PDE1C: variants seen among roughly 807,000 people sequenced by gnomAD.
PDE1C encodes the protein dual specificity calcium/calmodulin-dependent 3',5'-cyclic nucleotide phosphodiesterase 1C.
In PDE1C, 62 loss-of-function variants were observed where a neutral mutation model predicts 93.1. The observed-to-expected ratio is 0.67, with a 90% CI of 0.54 to 0.82. The LOEUF (loss-of-function observed/expected upper bound fraction) is 0.82, where lower values mean the gene tolerates loss of function less well. Ranked by LOEUF, PDE1C falls within the 40% of genes least tolerant of loss-of-function variation. The pLI is 0.00. For missense variants in PDE1C, 742 were observed against 884.6 expected, an observed-to-expected ratio of 0.84 and a Z score of 2.04; for synonymous variants, 325 against 310.1, an observed-to-expected ratio of 1.05 and a Z score of -0.50.
intron 3 of PDE1C, among the ~76,000 whole-genome samples, chr7:32,086,684 A>C (rs1287117217): frequency 1.3e-5 from 2 of 152,174 alleles, no homozygotes; most frequent in Non-Finnish European, 2.9e-5. Context: ...AGAACAGAGC[A>C]CTAAGAAATA....
intron 1 of PDE1C, among the ~76,000 whole-genome samples, chr7:32,389,977 T>C: frequency 6.6e-6 from 1 of 152,142 alleles, no homozygotes; most frequent in Middle Eastern, 3.2e-3. Context: ...AAGGAATTGG[T>C]CTATATTGAA....
chr7:32,203,768 C>A (rs1337676780), intron 2 of PDE1C, among the ~76,000 whole-genome samples: 1 of 152,178 alleles, frequency 6.6e-6, no homozygotes, highest in Non-Finnish European at 1.5e-5. Flanking sequence ...TTTAATAACA[C>A]TTCCATCTTA....
intron 3 of PDE1C, among the ~76,000 whole-genome samples, chr7:32,159,915 T>A (rs561275212): frequency 2.6e-4 from 40 of 152,202 alleles, no homozygotes; most frequent in South Asian, 1.0e-3. Flanking sequence ...TCCCACAAGC[T>A]CCTGAAGCCA....
At chr7:32,323,299 G>A (rs1017975609) in intron 1 of PDE1C, among the ~76,000 whole-genome samples, 7 of 152,154 alleles carry the variant, frequency 4.6e-5, no homozygotes, top group East Asian at 3.9e-4. Context: ...ATACTCCCAC[G>A]ATGGCAGATT....
intron 3 of PDE1C, among the ~76,000 whole-genome samples, chr7:32,113,881 T>C (rs765973916): frequency 7.2e-5 from 11 of 152,058 alleles, no homozygotes; most frequent in Non-Finnish European, 1.5e-4. Flanking sequence ...CGATTCACAA[T>C]TGCTACAAAG....
At chr7:32,305,281 T>C (rs1398611230) in intron 1 of PDE1C, among the ~76,000 whole-genome samples, 1 of 152,220 alleles carries the variant, frequency 6.6e-6, no homozygotes, top group Admixed American at 6.5e-5. Flanking sequence ...TCAGCTAGGA[T>C]GTCTTCTGTT....
At chr7:31,827,865 G>T (rs942307323) in intron 12 of PDE1C, among the ~76,000 whole-genome samples, 3 of 152,124 alleles carry the variant, frequency 2.0e-5, no homozygotes, top group East Asian at 1.9e-4. Flanking sequence ...CATTTTAAAA[G>T]ATCCATTCAT....
In PDE1C at chr7:31,931,704, A is replaced by C. The variant is rs534172366; in HGVS notation, c.129-50844T>G. ...ATTCAATGCTATTCCCATTAAGCTA[A>C]CATTGACTTTCTCCACAGAACCAGG... On this transcript the variant is annotated intron_variant, in intron 2 of 17. Coordinates refer to ENST00000396191, the MANE Select transcript of PDE1C (RefSeq NM_001191057.4). Among the ~76,000 whole-genome samples the C allele has an allele frequency of 4.3e-3, 654 of 152,306 alleles. 6 individuals carry two copies. Among genetic ancestry groups the C allele is most frequent in the African/African-American group, 0.015 (632 of 41,572 alleles).
intron 5 of PDE1C, among the ~76,000 whole-genome samples, chr7:31,875,426 A>AAC (rs1350171715): frequency 1.3e-5 from 2 of 152,216 alleles, no homozygotes; most frequent in East Asian, 3.9e-4. Flanking sequence ...TGTTCTTCAG[A>AAC]ACCAGTTGAG....
At chr7:32,339,384 G>A (rs1215539101) in intron 1 of PDE1C, among the ~76,000 whole-genome samples, 1 of 152,066 alleles carries the variant, frequency 6.6e-6, no homozygotes, top group Non-Finnish European at 1.5e-5. Flanking sequence ...TTGTTTAATG[G>A]GTATAGAGTT....
intron 2 of PDE1C, among the ~76,000 whole-genome samples, chr7:31,995,281 C>T (rs930237963): frequency 6.6e-6 from 1 of 152,064 alleles, no homozygotes; most frequent in Admixed American, 6.6e-5. Flanking sequence ...CCACTGCAGC[C>T]CCTCTTGGTC....
intron 3 of PDE1C, among the ~76,000 whole-genome samples, chr7:32,109,395 G>GT (rs1476708974): frequency 6.6e-6 from 1 of 152,024 alleles, no homozygotes; most frequent in Non-Finnish European, 1.5e-5. Flanking sequence ...TTCCAACTTT[G>GT]TTTTTTTAAA....
the PDE1C span, chr7:31,695,772 CA>C: frequency 1.4e-6 from 1 of 719,328 alleles, no homozygotes; most frequent in Non-Finnish European, 2.2e-6. Context: ...TACAATATAG[CA>C]AGCTGCTATA....
At chr7:32,303,392 G>GA (rs531092214), upstream of PDE1C, among the ~76,000 whole-genome samples, 75 of 152,284 alleles carry the variant, frequency 4.9e-4, no homozygotes, top group Middle Eastern at 3.4e-3. Context: ...TGCTAACCAA[G>GA]AAACAGTCCC....
chr7:32,304,671 C>G (rs963655011), intron 1 of PDE1C, among the ~76,000 whole-genome samples: 3 of 151,994 alleles, frequency 2.0e-5, no homozygotes, highest in African/African-American at 4.8e-5. Flanking sequence ...CCTCTACTTG[C>G]TAGCTGTGTG....
chr7:31,910,122 C>A (rs1801049342), intron 2 of PDE1C, among the ~76,000 whole-genome samples: 1 of 152,116 alleles, frequency 6.6e-6, no homozygotes, highest in Admixed American at 6.6e-5. Context: ...TGGAAACACG[C>A]CCAGGGTGAC....
At chr7:32,302,150 G>A (rs996428638), upstream of PDE1C, among the ~76,000 whole-genome samples, 1 of 152,158 alleles carries the variant, frequency 6.6e-6, no homozygotes, top group Non-Finnish European at 1.5e-5. Context: ...TACATAAAAT[G>A]CTTATTGACT....
the PDE1C span, among the ~76,000 whole-genome samples, chr7:31,648,198 A>G: frequency 1.8e-3 from 278 of 152,284 alleles, 1 homozygote; most frequent in Non-Finnish European, 2.5e-3. Flanking sequence ...GCATATTCAA[A>G]GTGAAAATTC....
chr7:31,634,214 A>T, the PDE1C span, among the ~76,000 whole-genome samples: 8 of 152,292 alleles, frequency 5.3e-5, no homozygotes, highest in African/African-American at 1.2e-4. Context: ...GGTCCCCCTA[A>T]TTGGGAGGGT....
Sources: gnomAD v4.1 joint callset for allele counts (sites outside exome capture counted in the v4.1 genomes callset) on GRCh38, gnomAD v4.1.1 for gene constraint, MANE v1.5 for transcripts, NCBI Gene and HGNC (gene_info 2026-07-23, HGNC 2026-07-21) for gene names.